The following PPP4R1 variants were observed in gnomAD, a reference collection of about 807,000 sequenced individuals.
The protein encoded by PPP4R1 is protein phosphatase 4 regulatory subunit 1.
PPP4R1 carries 42 observed loss-of-function variants against 111.2 expected under a neutral mutation model. That is an observed-to-expected ratio of 0.38 (90% CI 0.29 to 0.49). The LOEUF (loss-of-function observed/expected upper bound fraction) is 0.49. Among genes scored for constraint, PPP4R1 ranks in the 20% least tolerant of loss-of-function variants. PPP4R1 has a pLI of 0.97. For synonymous variants in PPP4R1, 409 were observed against 405.5 expected (o/e 1.01, Z -0.10); for missense variants, 1,012 against 1,161.6 (o/e 0.87, Z 1.87).
intron 2 of PPP4R1, among the ~76,000 whole-genome samples, chr18:9,608,635 T>C (rs996020177): frequency 1.3e-5 from 2 of 152,196 alleles, no homozygotes; most frequent in African/African-American, 4.8e-5. Flanking sequence ...CAAAATTCCA[T>C]AGGTGTGCCA....
intron 2 of PPP4R1, among the ~76,000 whole-genome samples, chr18:9,610,811 T>C (rs1242467416): frequency 6.6e-6 from 1 of 152,152 alleles, no homozygotes; most frequent in East Asian, 1.9e-4. Flanking sequence ...CTTACCTTTA[T>C]AAGTTACTTG....
intron 15 of PPP4R1, among the ~76,000 whole-genome samples, chr18:9,555,708 T>G (rs1006577267): frequency 1.3e-5 from 2 of 152,080 alleles, no homozygotes; most frequent in Non-Finnish European, 2.9e-5. Context: ...AAACAACTGG[T>G]TTAGACTCCT....
chr18:9,591,132 G>T (rs1422964936), intron 4 of PPP4R1, among the ~76,000 whole-genome samples: 1 of 151,976 alleles, frequency 6.6e-6, no homozygotes, highest in Non-Finnish European at 1.5e-5. Context: ...TGGATCACTT[G>T]AGGTCAGAAG....
At chr18:9,616,308 T>A (rs2067687706), upstream of PPP4R1, among the ~76,000 whole-genome samples, 1 of 151,868 alleles carries the variant, frequency 6.6e-6, no homozygotes, top group South Asian at 2.1e-4. Context: ...TTGCCTTACG[T>A]AGCCCAGGCT....
intron 2 of PPP4R1, among the ~76,000 whole-genome samples, chr18:9,606,437 T>G (rs1252405853): frequency 1.3e-5 from 2 of 152,206 alleles, no homozygotes; most frequent in Non-Finnish European, 2.9e-5. Context: ...CCTAAACTAT[T>G]TAATATTTGG....
At chr18:9,584,442 A>T in intron 8 of PPP4R1, 73 bp downstream of exon 8, 1 of 1,313,466 alleles carries the variant, frequency 7.6e-7, no homozygotes, top group Admixed American at 2.4e-5. Context: ...TTTGGAGTAA[A>T]TGTGTGCATT....
In PPP4R1 at chr18:9,559,458, G is replaced by A. The variant is rs376121599; in HGVS notation, c.1989C>T (p.Cys663=). 9.9e-6 allele frequency: 16 copies of A among 1,613,278 alleles called. No individual in the cohort carries two copies. Among genetic ancestry groups the A allele is most frequent in the Admixed American group, 5.0e-5 (3 of 59,936 alleles). Residue 663 remains cysteine, a synonymous_variant, in exon 14 of 20, where the codon TGC becomes TGT. Transcript: ENST00000400556. ...ALTLGRQNWH[C]LRETYETLAS... ...CCAGAGTCTCATACGTCTCTCTCAG[G>A]CAGTGCCAATTCTGTCTTCCGAGTG... is the stretch of plus-strand genomic sequence containing the variant.
rs1405944395 is a variant in PPP4R1, at chr18:9,595,004, G to C, written c.188+14C>G. The C allele has an allele frequency of 2.5e-6, 4 of 1,611,212 alleles. No individual in the cohort carries two copies. The South Asian group carries it at 4.4e-5, about 18-fold the overall frequency. On this transcript the variant is annotated intron_variant, in intron 3 of 19. Transcript: ENST00000400556. ...CCTTCCACTTCCACTTTAACAAAAA[G>C]AATATGCACATACCTGTTAAATATG...
intron 2 of PPP4R1, among the ~76,000 whole-genome samples, chr18:9,605,771 A>G (rs946171372): frequency 6.6e-6 from 1 of 152,140 alleles, no homozygotes; most frequent in African/African-American, 2.4e-5. Flanking sequence ...GGATATTTCA[A>G]TATGTACTAC....
intron 16 of PPP4R1, chr18:9,551,361 G>T (rs329008): frequency 0.11 from 17,457 of 152,334 alleles, 1,202 homozygotes; most frequent in Middle Eastern, 0.24. Flanking sequence ...GCACCTAACA[G>T]GGCAGGGAGA....
chr18:9,602,719 G>A (rs1005877575), intron 2 of PPP4R1, among the ~76,000 whole-genome samples: 1 of 151,444 alleles, frequency 6.6e-6, no homozygotes, highest in African/African-American at 2.4e-5. Context: ...AATTAGCTGG[G>A]CTAAAACAGG....
intron 11 of PPP4R1, among the ~76,000 whole-genome samples, chr18:9,568,924 A>C (rs2066814041): frequency 6.6e-6 from 1 of 152,272 alleles, no homozygotes; most frequent in East Asian, 1.9e-4. Flanking sequence ...AGTCCCAGCT[A>C]CTTGAGAGGT....
At position 9,570,182 on chromosome 18, in the gene PPP4R1, G is replaced by T; in HGVS notation, c.1548C>A (p.Pro516=). 1 of 1,529,230 alleles carries T rather than the reference G, an allele frequency of 6.5e-7. No individual in the cohort carries two copies. Among genetic ancestry groups the T allele is most frequent in the Non-Finnish European group, 8.8e-7 (1 of 1,139,572 alleles). The allele number at this position is 1,529,230 out of a possible 1,614,324, so 94.7% of individuals were successfully genotyped here. Residue 516 remains proline (P), a synonymous_variant, in exon 11 of 20, where the codon CCC becomes CCA. Transcript: ENST00000400556. ...CTTTAACATCTGGATCATCAATGTG[G>T]GGCTCTAGATTTTCTATCATTTCTT... ...ELEEMIENLE[P]HIDDPDVKAQ...
chr18:9,568,701 G>A (rs2066810599), intron 11 of PPP4R1, among the ~76,000 whole-genome samples: 2 of 152,140 alleles, frequency 1.3e-5, no homozygotes, highest in South Asian at 2.1e-4. Context: ...ACCGGCTTAA[G>A]GACAACTGGT....
At chr18:9,578,652 T>C (rs1301109494) in intron 9 of PPP4R1, among the ~76,000 whole-genome samples, 2 of 152,068 alleles carry the variant, frequency 1.3e-5, no homozygotes, top group Non-Finnish European at 2.9e-5. Context: ...TGTAGAGATA[T>C]CTATTATTAG....
intron 11 of PPP4R1, among the ~76,000 whole-genome samples, chr18:9,568,376 T>C (rs2066805149): frequency 6.6e-6 from 1 of 152,190 alleles, no homozygotes; most frequent in African/African-American, 2.4e-5. Flanking sequence ...CAATATTTGC[T>C]CTTTTGCAGT....
upstream of PPP4R1, chr18:9,614,623 G>A: frequency 3.0e-6 from 1 of 334,920 alleles, no homozygotes; most frequent in Non-Finnish European, 4.2e-6. The surrounding 1 kb of genome is among the most constrained non-coding windows in gnomAD (Gnocchi z 4.1). Flanking sequence ...CGCGCGCGGG[G>A]CGGGCCGAGG....
At position 9,547,312 on chromosome 18, in the gene PPP4R1, G is replaced by A. The variant is rs2066416006; in HGVS notation, c.*477C>T. The A allele has an allele frequency of 6.3e-6, 1 of 159,134 alleles. No individual in the cohort carries two copies. The highest frequency in any genetic ancestry group is 1.4e-5 in the Non-Finnish European group (1 of 71,468). The allele number at this position is 159,134 out of a possible 1,614,324, so 9.9% of individuals were successfully genotyped here. Reference sequence around the variant, plus strand: ...GGGCTGGGCTGGACAGCTGGCCACAGAGCCCAGCAAGTCCTTCCTGGGAGA... The same window carrying A: ...GGGCTGGGCTGGACAGCTGGCCACAAAGCCCAGCAAGTCCTTCCTGGGAGA... On this transcript the variant is annotated 3_prime_UTR_variant, in exon 20 of 20. Coordinates refer to ENST00000400556, the MANE Select transcript of PPP4R1 (RefSeq NM_001042388.3).
intron 11 of PPP4R1, among the ~76,000 whole-genome samples, chr18:9,564,773 A>G (rs1292000643): frequency 6.7e-6 from 1 of 148,544 alleles, no homozygotes; most frequent in African/African-American, 2.5e-5. Flanking sequence ...GTTCCCTGGA[A>G]AGTGCAGGCA....
Sources: gnomAD v4.1 joint callset for allele counts (sites outside exome capture counted in the v4.1 genomes callset) on GRCh38, gnomAD v4.1.1 for gene constraint, Gnocchi (gnomAD v3.1) non-coding constraint, MANE v1.5 for transcripts, NCBI Gene and HGNC (gene_info 2026-07-23, HGNC 2026-07-21) for gene names.